CAST: variants seen among roughly 807,000 people sequenced by gnomAD.
The protein encoded by CAST is MIR583 host.
Under a neutral mutation model 119.6 loss-of-function variants are expected in CAST, and 76 were observed. The ratio of observed to expected loss-of-function variants is 0.64; its 90% CI spans 0.53 to 0.77. The LOEUF (loss-of-function observed/expected upper bound fraction) is 0.77, where lower values mean the gene tolerates loss of function less well. Among genes scored for constraint, CAST ranks in the 30% least tolerant of loss-of-function variants. The pLI is 0.00. For missense variants in CAST, 953 were observed against 946.5 expected, an observed-to-expected ratio of 1.01 and a Z score of -0.09; for synonymous variants, 319 against 331.6, an observed-to-expected ratio of 0.96 and a Z score of 0.41.
chr5:96,192,080 A>G, the CAST span, among the ~76,000 whole-genome samples: 3 of 152,308 alleles, frequency 2.0e-5, no homozygotes, highest in African/African-American at 4.8e-5. Flanking sequence ...TACGTAAATT[A>G]TAGATGAGAA....
At chr5:96,553,846 A>C (rs538846984) in intron 1 of CAST, among the ~76,000 whole-genome samples, 1 of 152,336 alleles carries the variant, frequency 6.6e-6, no homozygotes, top group South Asian at 2.1e-4. Context: ...CCAACTTACA[A>C]GGGATGTGAA....
chr5:96,347,507 A>G, the CAST span, among the ~76,000 whole-genome samples: 2 of 152,142 alleles, frequency 1.3e-5, no homozygotes, highest in Non-Finnish European at 2.9e-5. Context: ...TAGCATACCA[A>G]GCTGGTCTAT....
chr5:96,256,885 A>T, the CAST span, among the ~76,000 whole-genome samples: 1 of 152,190 alleles, frequency 6.6e-6, no homozygotes, highest in South Asian at 2.1e-4. Context: ...GAGGGGCACC[A>T]GGAATCCAGG....
chr5:96,692,352 C>G (rs1428947945), intron 2 of CAST, among the ~76,000 whole-genome samples: 1 of 152,088 alleles, frequency 6.6e-6, no homozygotes, highest in Non-Finnish European at 1.5e-5. Flanking sequence ...CTCAGGGGGT[C>G]AGGTAGTAAC....
chr5:96,568,350 A>G (rs1746510283), intron 1 of CAST, among the ~76,000 whole-genome samples: 1 of 152,106 alleles, frequency 6.6e-6, no homozygotes, highest in Non-Finnish European at 1.5e-5. Context: ...AGATCACTTG[A>G]GGTCAGGAGT....
the CAST span, among the ~76,000 whole-genome samples, chr5:96,321,678 C>G: frequency 1.6e-4 from 24 of 152,300 alleles, no homozygotes; most frequent in Non-Finnish European, 2.4e-4. Context: ...TGCCCAAGAT[C>G]ACATAACTGG....
the CAST span, among the ~76,000 whole-genome samples, chr5:96,330,265 T>C: frequency 6.6e-6 from 1 of 152,206 alleles, no homozygotes; most frequent in East Asian, 1.9e-4. Context: ...CTAAGACATA[T>C]TTTCTCCCTT....
the CAST span, chr5:96,433,269 C>A: frequency 2.5e-3 from 1,474 of 579,358 alleles, 11 homozygotes; most frequent in African/African-American, 0.013. Flanking sequence ...CCCTTCCCAG[C>A]CAGAATGGAA....
At chr5:96,554,077 G>T (rs1292349837) in intron 1 of CAST, among the ~76,000 whole-genome samples, 1 of 152,062 alleles carries the variant, frequency 6.6e-6, no homozygotes, top group Non-Finnish European at 1.5e-5. Context: ...ATGGAAACAA[G>T]AAAGAGCCTG....
chr5:96,335,533 T>A, the CAST span, among the ~76,000 whole-genome samples: 1 of 152,194 alleles, frequency 6.6e-6, no homozygotes, highest in South Asian at 2.1e-4. Flanking sequence ...CTTTCTGTTT[T>A]AGCCTACCGC....
At chr5:96,326,064 A>C in the CAST span, among the ~76,000 whole-genome samples, 1 of 152,206 alleles carries the variant, frequency 6.6e-6, no homozygotes, top group Non-Finnish European at 1.5e-5. Context: ...AACCAAACCA[A>C]GAACTTGGAT....
chr5:96,163,008 G>A, the CAST span, among the ~76,000 whole-genome samples: 7 of 152,164 alleles, frequency 4.6e-5, no homozygotes, highest in South Asian at 2.1e-4. Flanking sequence ...AGAATTCAGC[G>A]GTGAATTCTA....
At chr5:96,594,510 T>C (rs1202011712) in intron 1 of CAST, among the ~76,000 whole-genome samples, 2 of 152,228 alleles carry the variant, frequency 1.3e-5, no homozygotes, top group Non-Finnish European at 2.9e-5. Flanking sequence ...ACCAGCGTTG[T>C]AGAATATAAA....
the CAST span, among the ~76,000 whole-genome samples, chr5:96,118,898 C>T: frequency 6.6e-6 from 1 of 151,768 alleles, no homozygotes; most frequent in African/African-American, 2.4e-5. Flanking sequence ...TCATGGGCTA[C>T]TCCAATCAGC....
At chr5:96,491,359 C>T in the CAST span, among the ~76,000 whole-genome samples, 7 of 150,062 alleles carry the variant, frequency 4.7e-5, no homozygotes, top group East Asian at 1.9e-4. Flanking sequence ...GGTGTGGTGG[C>T]GGGCGCCTGT....
At chr5:96,729,332 A>G in intron 7 of CAST, 123 bp downstream of exon 7, 1 of 642,062 alleles carries the variant, frequency 1.6e-6, no homozygotes, top group Non-Finnish European at 2.8e-6. Context: ...TTTTTCAGCT[A>G]AAATGGTGCC....
chr5:96,180,028 G>A, the CAST span, among the ~76,000 whole-genome samples: 4,572 of 146,148 alleles, frequency 0.031, 243 homozygotes, highest in African/African-American at 0.11. Context: ...ATCTCAAAAA[G>A]AAAAAAAAAA....
At chr5:96,012,236 A>G in the CAST span, among the ~76,000 whole-genome samples, 1 of 152,060 alleles carries the variant, frequency 6.6e-6, no homozygotes, top group African/African-American at 2.4e-5. Flanking sequence ...AGGTCAGCCC[A>G]TTACCAGGAC....
At chr5:96,397,537 A>T in the CAST span, 9 of 1,396,332 alleles carry the variant, frequency 6.4e-6, no homozygotes, top group Admixed American at 1.0e-4. Context: ...CTAGCATCTG[A>T]TAACTGAAAA....
Sources: allele counts gnomAD v4.1 joint callset (sites outside exome capture counted in the v4.1 genomes callset), GRCh38; gene constraint gnomAD v4.1.1; transcripts MANE v1.5; gene names NCBI Gene and HGNC (gene_info 2026-07-23, HGNC 2026-07-21).